SYNJ2BP: variants seen among roughly 807,000 people sequenced by gnomAD.
SYNJ2BP encodes the protein synaptojanin 2 binding protein.
A neutral mutation model predicts 16.9 loss-of-function variants in SYNJ2BP; 10 were observed. That is an observed-to-expected ratio of 0.59 (90% CI 0.36 to 1.00). The LOEUF (loss-of-function observed/expected upper bound fraction) is 1.00. Among genes scored for constraint, SYNJ2BP ranks in the 50% least tolerant of loss-of-function variants. The pLI, the probability that SYNJ2BP is intolerant of heterozygous loss-of-function variation, is 0.01. For synonymous variants in SYNJ2BP, 54 were observed against 68.4 expected (o/e 0.79, Z 1.04); for missense variants, 162 against 186.7 (o/e 0.87, Z 0.77).
intron 2 of SYNJ2BP, among the ~76,000 whole-genome samples, chr14:70,378,355 C>T (rs1451818784): frequency 6.6e-6 from 1 of 151,982 alleles, no homozygotes; most frequent in African/African-American, 2.4e-5. Flanking sequence ...TATCCAAAAC[C>T]TCTTTATTAC....
chr14:70,403,536 GGTGATGAGA>G (rs1469456383), intron 1 of SYNJ2BP, among the ~76,000 whole-genome samples: 1 of 152,144 alleles, frequency 6.6e-6, no homozygotes, highest in East Asian at 1.9e-4. Context: ...CCACCAAGAT[GGTGATGAGA>G]GTGACCTCTG....
Position 70,370,427 on chromosome 14 carries a change from A to C in SYNJ2BP, c.*2564T>G, listed in dbSNP as rs571623232. 3.9e-5 allele frequency: 6 copies of C among 152,288 alleles called. No individual in the cohort carries two copies. Among genetic ancestry groups the C allele is most frequent in the African/African-American group, 1.4e-4 (6 of 41,580 alleles). The allele number at this position is 152,288 out of a possible 1,614,324, so 9.4% of individuals were successfully genotyped here. A position where few individuals can be genotyped will look rare whatever the true frequency, so the allele number is the denominator to read the frequency against. On this transcript the variant is annotated 3_prime_UTR_variant, in exon 4 of 4. Coordinates refer to ENST00000256366, the MANE Select transcript of SYNJ2BP (RefSeq NM_018373.3). ...TTGTCCGTGTTTTTCTGTGGAACCT[A>C]CAATGAGTCCAGTTGTCTAAGTGAG...
chr14:70,413,464 C>A (rs935278314), intron 1 of SYNJ2BP, among the ~76,000 whole-genome samples: 2 of 152,168 alleles, frequency 1.3e-5, no homozygotes, highest in African/African-American at 4.8e-5. Flanking sequence ...CGTGGTGAAA[C>A]CCTGTCTCTA....
intron 1 of SYNJ2BP, among the ~76,000 whole-genome samples, chr14:70,411,899 T>C (rs1438713124): frequency 6.6e-6 from 1 of 152,228 alleles, no homozygotes; most frequent in Non-Finnish European, 1.5e-5. Flanking sequence ...CATATCTCTA[T>C]TGGATTGTAA....
rs1202078126 is a variant in SYNJ2BP at position 70,366,625 on chromosome 14, G to A, written c.*6366C>T. The A allele has an allele frequency of 6.6e-6, 1 of 152,080 alleles. No homozygotes were observed. The highest frequency in any genetic ancestry group is 1.5e-5 in the Non-Finnish European group (1 of 68,024). The allele number at this position is 152,080 out of a possible 1,614,324, so 9.4% of individuals were successfully genotyped here. A position where few individuals can be genotyped will look rare whatever the true frequency, so the allele number is the denominator to read the frequency against. Reference sequence around the variant, plus strand: ...CTGAAAGATTACCATAGATTTTGATGGCCTCATTAACATAATTAATCCGTA... The same window carrying A: ...CTGAAAGATTACCATAGATTTTGATAGCCTCATTAACATAATTAATCCGTA... On this transcript the variant is annotated 3_prime_UTR_variant, in exon 4 of 4. Coordinates refer to ENST00000256366, the MANE Select transcript of SYNJ2BP (RefSeq NM_018373.3).
intron 1 of SYNJ2BP, among the ~76,000 whole-genome samples, chr14:70,397,578 C>T (rs976911681): frequency 3.3e-5 from 5 of 152,160 alleles, no homozygotes; most frequent in African/African-American, 7.2e-5. Flanking sequence ...CTGGACCAGG[C>T]GTAGCGCGAG....
chr14:70,392,602 A>T (rs983203736), intron 1 of SYNJ2BP, among the ~76,000 whole-genome samples: 1 of 152,218 alleles, frequency 6.6e-6, no homozygotes, highest in Non-Finnish European at 1.5e-5. Flanking sequence ...AGATAGTTTG[A>T]CAGAGAAAGA....
chr14:70,405,349 A>T (rs1888324201), intron 1 of SYNJ2BP, among the ~76,000 whole-genome samples: 1 of 152,076 alleles, frequency 6.6e-6, no homozygotes, highest in African/African-American at 2.4e-5. Flanking sequence ...ATCAAAAAGG[A>T]AGTATAGGAC....
intron 2 of SYNJ2BP, among the ~76,000 whole-genome samples, chr14:70,380,661 C>CAA (rs11453577): frequency 1.0e-3 from 141 of 140,926 alleles, no homozygotes; most frequent in Middle Eastern, 3.7e-3. Context: ...GACTCTGTCT[C>CAA]AAAAAAAAAA....
intron 2 of SYNJ2BP, among the ~76,000 whole-genome samples, chr14:70,380,661 CAAA>C (rs11453577): frequency 7.1e-6 from 1 of 141,018 alleles, no homozygotes; most frequent in African/African-American, 2.6e-5. Flanking sequence ...GACTCTGTCT[CAAA>C]AAAAAAAAAA....
intron 2 of SYNJ2BP, among the ~76,000 whole-genome samples, chr14:70,377,494 C>T (rs1054973449): frequency 3.9e-5 from 6 of 152,152 alleles, no homozygotes; most frequent in Non-Finnish European, 5.9e-5. Context: ...TTTCCACCAC[C>T]GTCTCCAACC....
In SYNJ2BP at chr14:70,416,718, AC is replaced by A. The variant is rs374466001; in HGVS notation, c.64+181del. On this transcript the variant is annotated intron_variant, in intron 1 of 3. Transcript: ENST00000256366. ...CTGGATTTTGAGGTGGATTCCTCAG[AC>A]CCGTATCTGGCTAATGATGGATTTC... 3.5e-4 allele frequency among the ~76,000 whole-genome samples: 54 copies of A among 152,228 alleles called. No individual in the cohort carries two copies. The East Asian group carries it at 9.8e-3, about 28-fold the overall frequency.
intron 2 of SYNJ2BP, among the ~76,000 whole-genome samples, chr14:70,376,465 A>G (rs1887632533): frequency 6.6e-6 from 1 of 152,236 alleles, no homozygotes; most frequent in Non-Finnish European, 1.5e-5. Context: ...TACTTTTTGC[A>G]GTTAGGAGTG....
At position 70,416,862 on chromosome 14, in the gene SYNJ2BP, A is replaced by G. The variant is rs1162315855; in HGVS notation, c.64+38T>C. 1.9e-6 allele frequency: 3 copies of G among 1,613,766 alleles called. No homozygotes were observed. The East Asian group carries it at 6.7e-5, about 36-fold the overall frequency. ...AGAGGTGTCTGCAATTACACCCTCT[A>G]ATCCCCTACTGTCAGATATGACCCT... On this transcript the variant is annotated intron_variant, in intron 1 of 3. Coordinates refer to ENST00000256366, the MANE Select transcript of SYNJ2BP (RefSeq NM_018373.3).
At chr14:70,402,406 TTTGTGTG>T (rs1888259510) in intron 1 of SYNJ2BP, among the ~76,000 whole-genome samples, 1 of 152,062 alleles carries the variant, frequency 6.6e-6, no homozygotes, top group Non-Finnish European at 1.5e-5. Context: ...GCTGTGGAGG[TTTGTGTG>T]GCCTGGTATC....
chr14:70,392,404 C>T (rs1318052989), intron 1 of SYNJ2BP, among the ~76,000 whole-genome samples: 3 of 152,156 alleles, frequency 2.0e-5, no homozygotes, highest in Admixed American at 6.5e-5. Flanking sequence ...TACCTCTGAT[C>T]CTCAGCTTCC....
rs750380155 is a variant in SYNJ2BP at position 70,375,659 on chromosome 14, C to A, written c.297+17G>T. On this transcript the variant is annotated intron_variant, in intron 3 of 3. Transcript: ENST00000256366. ...CAAAAGCCTGGTGCCAGGTTTCTGG[C>A]TCAAAGTGATACCTACCCTGTGCTG... 5 of 1,606,412 alleles carry A rather than the reference C, an allele frequency of 3.1e-6. No homozygotes were observed. The Admixed American group carries it at 8.6e-5, about 28-fold the overall frequency.
intron 1 of SYNJ2BP, among the ~76,000 whole-genome samples, chr14:70,389,172 T>C (rs1194120318): frequency 6.6e-6 from 1 of 152,154 alleles, no homozygotes; most frequent in African/African-American, 2.4e-5. Context: ...AGGACCCAAT[T>C]CCTGACATTC....
chr14:70,373,185 A>G, intron 3 of SYNJ2BP, 54 bp from the exon 4 acceptor site: 1 of 1,602,834 alleles, frequency 6.2e-7, no homozygotes, highest in East Asian at 2.2e-5. Flanking sequence ...TTTGCAACTG[A>G]AACGCCCAGG....
Sources: allele counts gnomAD v4.1 joint callset (sites outside exome capture counted in the v4.1 genomes callset), GRCh38; gene constraint gnomAD v4.1.1; transcripts MANE v1.5; gene names NCBI Gene and HGNC (gene_info 2026-07-23, HGNC 2026-07-21).